The following PDE6B variants were observed in gnomAD, a reference collection of about 807,000 sequenced individuals.
PDE6B encodes the protein phosphodiesterase 6B.
A neutral mutation model predicts 109.0 loss-of-function variants in PDE6B; 106 were observed. The ratio of observed to expected loss-of-function variants is 0.97; its 90% CI spans 0.83 to 1.14. The LOEUF (loss-of-function observed/expected upper bound fraction) is 1.14, where lower values mean the gene tolerates loss of function less well. PDE6B is among the 50% of genes most tolerant of loss of function. The probability of loss-of-function intolerance (pLI) is 0.00; values close to 1 mark genes in which losing one functional copy is unlikely to be tolerated. For synonymous variants in PDE6B, 490 were observed against 471.3 expected (o/e 1.04, Z -0.51); for missense variants, 1,193 against 1,155.6 (o/e 1.03, Z -0.47).
Position 663,460 on chromosome 4 carries a change from C to A in PDE6B, c.1920+273C>A, listed in dbSNP as rs1319382436. Reference sequence around the variant, plus strand: ...GGGGAAGCGGCCCGGGACCCACCAGCGGGGGAATGAAGGGCAGCCGAGCCC... The same window carrying A: ...GGGGAAGCGGCCCGGGACCCACCAGAGGGGGAATGAAGGGCAGCCGAGCCC... On this transcript the variant is annotated intron_variant, in intron 15 of 21. Coordinates refer to ENST00000496514, the MANE Select transcript of PDE6B (RefSeq NM_000283.4). This position sits in a 1 kb window ranked among gnomAD's most constrained non-coding sequence, Gnocchi z 4.0. 1.3e-5 allele frequency among the ~76,000 whole-genome samples: 2 copies of A among 152,154 alleles called. No individual in the cohort carries two copies. Among genetic ancestry groups the A allele is most frequent in the Admixed American group, 6.5e-5 (1 of 15,288 alleles).
intron 1 of PDE6B, among the ~76,000 whole-genome samples, chr4:630,548 C>A (rs1323220399): frequency 6.6e-6 from 1 of 152,150 alleles, no homozygotes; most frequent in Non-Finnish European, 1.5e-5. Context: ...GTTAGGGAAG[C>A]TGAGGAGGGC....
At position 642,528 on chromosome 4, in the gene PDE6B, G is replaced by T. The variant is rs185931510; in HGVS notation, c.711+6559G>T. On this transcript the variant is annotated intron_variant, in intron 3 of 21. Coordinates refer to ENST00000496514, the MANE Select transcript of PDE6B (RefSeq NM_000283.4). ...GAATGACATCACCCAGCATGGTGGC[G>T]CATGCCTATAATCCCAGCACTCCGG... Among the ~76,000 whole-genome samples, 25 of 151,346 alleles carry T rather than the reference G, an allele frequency of 1.7e-4. 1 individual carries two copies. The highest frequency in any genetic ancestry group is 1.6e-3 in the Admixed American group (25 of 15,176).
chr4:664,992 A>T, intron 18 of PDE6B, 48 bp downstream of exon 18: 1 of 1,450,624 alleles, frequency 6.9e-7, no homozygotes, highest in Non-Finnish European at 9.7e-7. Context: ...CTCTCAGCAC[A>T]TGGGACTGCC....
rs1426979698 is a variant in PDE6B at position 662,042 on chromosome 4, C to T, written c.1615-92C>T. The T allele has an allele frequency of 4.2e-6, 3 of 718,268 alleles. No individual in the cohort carries two copies. Among genetic ancestry groups the T allele is most frequent in the African/African-American group, 1.7e-5 (1 of 57,288 alleles). 44.5% of individuals were successfully genotyped at this position (718,268 alleles called of 1,614,324 possible). ...ACGGTGTGGGGATGATGGCACGGAG[C>T]AGGGCTTCCACTGTGAAGTCAGCCA... On this transcript the variant is annotated intron_variant, in intron 12 of 21. Coordinates refer to ENST00000496514, the MANE Select transcript of PDE6B (RefSeq NM_000283.4). This position sits in a 1 kb window ranked among gnomAD's most constrained non-coding sequence, Gnocchi z 4.3.
chr4:667,315 A>AC (rs1303874393), intron 20 of PDE6B, among the ~76,000 whole-genome samples: 2 of 150,908 alleles, frequency 1.3e-5, no homozygotes, highest in Non-Finnish European at 3.0e-5. Context: ...CATCCTACCC[A>AC]CCCCGGGTCG....
chr4:653,834 G>C lies in PDE6B; in HGVS notation c.712-18G>C. On this transcript the variant is annotated intron_variant, in intron 3 of 21. Transcript: ENST00000496514. ...GGTGGGAGTGGCCACAGGCCCACAG[G>C]TGTGCCCCTCCCTCCAGGTGCTGCT... 6.2e-7 allele frequency: 1 copy of C among 1,613,116 alleles called. No individual in the cohort carries two copies. Among genetic ancestry groups the C allele is most frequent in the Non-Finnish European group, 8.5e-7 (1 of 1,179,720 alleles).
At position 657,458 on chromosome 4, in the gene PDE6B, C is replaced by T. The variant is rs776979129; in HGVS notation, c.1365C>T (p.His455=). The change falls in exon 10 of 22, where the codon CAC becomes CAT. Residue 455 remains histidine, a synonymous_variant. Coordinates refer to ENST00000496514, the MANE Select transcript of PDE6B (RefSeq NM_000283.4). Reference sequence around the variant, plus strand: ...TCGCACAGGACATGGTCCTTTACCACGTGAAGTGCGACAGGGACGAGATCC... The same window carrying T: ...TCGCACAGGACATGGTCCTTTACCATGTGAAGTGCGACAGGGACGAGATCC... ...KDIAQDMVLY[H]VKCDRDEIQL... 9.3e-6 allele frequency: 15 copies of T among 1,613,184 alleles called. No individual in the cohort carries two copies. The highest frequency in any genetic ancestry group is 4.0e-5 in the African/African-American group (3 of 74,916).
In PDE6B at chr4:662,444, AC is replaced by A; in HGVS notation, c.1723-61del. 8.5e-7 allele frequency: 1 copy of A among 1,173,084 alleles called. No individual in the cohort carries two copies. Among genetic ancestry groups the A allele is most frequent in the South Asian group, 1.2e-5 (1 of 81,942 alleles). 72.7% of individuals were successfully genotyped at this position (1,173,084 alleles called of 1,614,324 possible). On this transcript the variant is annotated intron_variant, in intron 13 of 21. Coordinates refer to ENST00000496514, the MANE Select transcript of PDE6B (RefSeq NM_000283.4). This position sits in a 1 kb window ranked among gnomAD's most constrained non-coding sequence, Gnocchi z 4.3. ...CCAACCCGACGCCTAGGTCATCCCA[AC>A]CCCTCACCACTCCCCACCCTGCTGG...
At position 662,111 on chromosome 4, in the gene PDE6B, C is replaced by G. The variant is rs1178351253; in HGVS notation, c.1615-23C>G. 5 of 1,250,974 alleles carry G rather than the reference C, an allele frequency of 4.0e-6. No individual in the cohort carries two copies. Among genetic ancestry groups the G allele is most frequent in the Non-Finnish European group, 5.7e-6 (5 of 872,096 alleles). The allele number at this position is 1,250,974 out of a possible 1,614,324, so 77.5% of individuals were successfully genotyped here. ...GACTTACACGCTTGCCGCCGGAGCC[C>G]TGTGTCCTCTCGGCTCCCCCAGGTC... On this transcript the variant is annotated intron_variant, in intron 12 of 21. Coordinates refer to ENST00000496514, the MANE Select transcript of PDE6B (RefSeq NM_000283.4). The surrounding 1 kb of genome is among the most constrained non-coding windows in gnomAD (Gnocchi z 4.3).
In PDE6B at chr4:659,103, G is replaced by A. The variant is rs1329745933; in HGVS notation, c.1467+86G>A. The A allele has an allele frequency of 2.2e-5, 22 of 991,142 alleles. No homozygotes were observed. In the Middle Eastern group the frequency reaches 1.5e-3, roughly 67 times the overall value. 61.4% of individuals were successfully genotyped at this position (991,142 alleles called of 1,614,324 possible). A position where few individuals can be genotyped will look rare whatever the true frequency, so the allele number is the denominator to read the frequency against. On this transcript the variant is annotated intron_variant, in intron 11 of 21. Transcript: ENST00000496514. Reference sequence around the variant, plus strand: ...AGTTCTGCATTCTCCGGGACCCGACGGTGCTTTGCACACACGGTCATCAGG... The same window carrying A: ...AGTTCTGCATTCTCCGGGACCCGACAGTGCTTTGCACACACGGTCATCAGG...
chr4:626,116 G>C lies in PDE6B; in HGVS notation c.468+22G>C. On this transcript the variant is annotated intron_variant, in intron 1 of 21. Transcript: ENST00000496514. The surrounding 1 kb of genome is among the most constrained non-coding windows in gnomAD (Gnocchi z 4.6). The stretch of plus-strand genomic sequence containing the variant: ...CGAGGTGGGTCTGTGCGGAGCCTCA[G>C]GGAGGCGGCTGTGTGCATCTCTTGC... 7.1e-7 allele frequency: 1 copy of C among 1,415,680 alleles called. No individual in the cohort carries two copies. Among genetic ancestry groups the C allele is most frequent in the Non-Finnish European group, 9.8e-7 (1 of 1,022,764 alleles). The allele number at this position is 1,415,680 out of a possible 1,614,324, so 87.7% of individuals were successfully genotyped here.
chr4:628,778 T>C (rs553740688), intron 1 of PDE6B, among the ~76,000 whole-genome samples: 1 of 152,290 alleles, frequency 6.6e-6, no homozygotes, highest in Admixed American at 6.5e-5. Context: ...GCCCAGGCGG[T>C]GCCAGGCCAC....
In PDE6B at chr4:660,480, C is replaced by T. The variant is rs1388485575; in HGVS notation, c.1481C>T (p.Pro494Leu). The T allele has an allele frequency of 6.2e-7, 1 of 1,613,832 alleles. No individual in the cohort carries two copies. The highest frequency in any genetic ancestry group is 1.3e-5 in the African/African-American group (1 of 74,940). Residue 494 changes from proline to leucine, a missense_variant, in exon 12 of 22, where the codon CCA becomes CTA. Physicochemically the swap from Pro to Leu is moderately conservative, Grantham distance 98. Coordinates refer to ENST00000496514, the MANE Select transcript of PDE6B (RefSeq NM_000283.4). ...TCCCTCCCACAGAAGGAGGAGCTGCCAGGGCCCACCACATTTGACATCTAC... is the reference window on the plus strand; with the variant it reads ...TCCCTCCCACAGAAGGAGGAGCTGCTAGGGCCCACCACATTTGACATCTAC... Reference protein sequence around the residue: ...ELGEILKEELPGPTTFDIYEF... With the variant: ...ELGEILKEELLGPTTFDIYEF...
rs1426436377 is a variant in PDE6B, at chr4:665,292, G to T, written c.2231G>T (p.Gly744Val). 1 of 1,613,000 alleles carries T rather than the reference G, an allele frequency of 6.2e-7. No individual in the cohort carries two copies. The highest frequency in any genetic ancestry group is 1.1e-5 in the South Asian group (1 of 91,080). ...GTGGCTGCTGAGTTCTGGGAGCAAG[G>T]TGACTTGGAAAGGACAGTCTTGGAT... ...LLVAAEFWEQGDLERTVLDQQ... is the reference protein window; with the variant it reads ...LLVAAEFWEQVDLERTVLDQQ... The change falls in exon 19 of 22, where the codon GGT becomes GTT. Residue 744 changes from glycine to valine, a missense_variant. Transcript: ENST00000496514. This position sits in a 1 kb window ranked among gnomAD's most constrained non-coding sequence, Gnocchi z 4.0.
Position 654,007 on chromosome 4 carries a change from G to C in PDE6B, c.852+15G>C. The C allele has an allele frequency of 6.2e-7, 1 of 1,613,754 alleles. No individual in the cohort carries two copies. Among genetic ancestry groups the C allele is most frequent in the Non-Finnish European group, 8.5e-7 (1 of 1,180,006 alleles). On this transcript the variant is annotated intron_variant, in intron 4 of 21. Coordinates refer to ENST00000496514, the MANE Select transcript of PDE6B (RefSeq NM_000283.4). ...CCAAGGAGAAGGTGAGGCTTCCGTG[G>C]CTCAGGGACCCCCTGCCTGGCCCGA...
At chr4:658,725 T>C (rs1736671324) in intron 10 of PDE6B, among the ~76,000 whole-genome samples, 1 of 152,174 alleles carries the variant, frequency 6.6e-6, no homozygotes, top group South Asian at 2.1e-4. Context: ...CCCATCATTA[T>C]ACCTGAGGAC....
intron 6 of PDE6B, chr4:655,628 C>T (rs903243549): frequency 6.0e-5 from 29 of 479,542 alleles, no homozygotes; most frequent in South Asian, 4.3e-4. Flanking sequence ...CTGGCCTCCT[C>T]GCCTCCTGAA....
intron 1 of PDE6B, among the ~76,000 whole-genome samples, chr4:627,334 CAG>C (rs1311489134): frequency 1.3e-5 from 2 of 152,098 alleles, no homozygotes; most frequent in Non-Finnish European, 2.9e-5. Flanking sequence ...TTAATAGAGA[CAG>C]AGTTTCGTCA....
intron 10 of PDE6B, among the ~76,000 whole-genome samples, 200 bp from the exon 11 acceptor site, chr4:658,752 C>T (rs1035598637): frequency 5.9e-5 from 9 of 152,108 alleles, no homozygotes; most frequent in African/African-American, 9.7e-5. Flanking sequence ...AGGCAGTGCC[C>T]GAGAGAGGAC....
Sources: allele counts gnomAD v4.1 joint callset (sites outside exome capture counted in the v4.1 genomes callset), GRCh38; gene constraint gnomAD v4.1.1; non-coding constraint Gnocchi (gnomAD v3.1); transcripts MANE v1.5; gene names NCBI Gene and HGNC (gene_info 2026-07-23, HGNC 2026-07-21).